The following CPXM2 variants were observed in gnomAD, a reference collection of about 807,000 sequenced individuals.
The protein encoded by CPXM2 is inactive carboxypeptidase-like protein X2.
Under a neutral mutation model 86.1 loss-of-function variants are expected in CPXM2, and 66 were observed. The ratio of observed to expected loss-of-function variants is 0.77; its 90% CI spans 0.63 to 0.94. The LOEUF is 0.94. Among genes scored for constraint, CPXM2 ranks in the 40% least tolerant of loss-of-function variants. The pLI is 0.00. For synonymous variants in CPXM2, 388 were observed against 400.2 expected (o/e 0.97, Z 0.36); for missense variants, 948 against 1,026.3 (o/e 0.92, Z 1.04).
At chr10:123,777,433 A>C (rs1257997652) in intron 7 of CPXM2, 1 of 151,744 alleles carries the variant, frequency 6.6e-6, no homozygotes, top group Non-Finnish European at 1.5e-5. Context: ...CCAACGGGTG[A>C]CCTCCACTGG....
upstream of CPXM2, among the ~76,000 whole-genome samples, chr10:123,894,953 G>A (rs141992040): frequency 1.2e-3 from 185 of 152,030 alleles, no homozygotes; most frequent in East Asian, 0.013. Context: ...CTAAACACCC[G>A]TTAACAACCT....
Position 123,836,368 on chromosome 10 carries a change from C to T in CPXM2, c.653+5981G>A, listed in dbSNP as rs375172778. Among the ~76,000 whole-genome samples, 24 of 152,266 alleles carry T rather than the reference C, an allele frequency of 1.6e-4. No homozygotes were observed. In the Middle Eastern group the frequency reaches 0.01, roughly 65 times the overall value. On this transcript the variant is annotated intron_variant, in intron 4 of 13. Coordinates refer to ENST00000241305, the MANE Select transcript of CPXM2 (RefSeq NM_198148.3). Reference sequence around the variant, plus strand: ...AACCTGCCCTGCACCTCCAGGTAATCAGCCCTCTAGCTTGAATTCCTGCCC... The same window carrying T: ...AACCTGCCCTGCACCTCCAGGTAATTAGCCCTCTAGCTTGAATTCCTGCCC...
intron 4 of CPXM2, among the ~76,000 whole-genome samples, chr10:123,815,224 T>TC (rs1847790063): frequency 1.3e-5 from 2 of 152,128 alleles, no homozygotes; most frequent in African/African-American, 4.8e-5. Flanking sequence ...AGGGATTCTA[T>TC]CTCCCAGCTT....
Position 123,747,033 on chromosome 10 carries a change from C to T in CPXM2, c.2018-16G>A, listed in dbSNP as rs1371665233. 2 of 1,612,710 alleles carry T rather than the reference C, an allele frequency of 1.2e-6. No individual in the cohort carries two copies. The highest frequency in any genetic ancestry group is 1.7e-6 in the Non-Finnish European group (2 of 1,179,326). On this transcript the variant is annotated splice_polypyrimidine_tract_variant and intron_variant, in intron 13 of 13. Transcript: ENST00000241305. Reference sequence around the variant, plus strand: ...CCATCGTTGGCTGTGAAAAAGAAAACCAGGGGAGACTCAGAGCAGCTCTTG... The same window carrying T: ...CCATCGTTGGCTGTGAAAAAGAAAATCAGGGGAGACTCAGAGCAGCTCTTG...
rs2134250108 is a variant in CPXM2 at position 123,891,287 on chromosome 10, C to A, written c.304+69G>T. ...TCCCAGACACACACAATGGGAGAAG[C>A]CAGTTGTCCCCTGGAGGCGCGCAAC... On this transcript the variant is annotated intron_variant, in intron 1 of 13. Transcript: ENST00000241305. This position sits in a 1 kb window ranked among gnomAD's most constrained non-coding sequence, Gnocchi z 5.6. 1 of 1,283,742 alleles carries A rather than the reference C, an allele frequency of 7.8e-7. No homozygotes were observed. Among genetic ancestry groups the A allele is most frequent in the Non-Finnish European group, 1.1e-6 (1 of 952,272 alleles). 79.5% of individuals were successfully genotyped at this position (1,283,742 alleles called of 1,614,324 possible). A position where few individuals can be genotyped will look rare whatever the true frequency, so the allele number is the denominator to read the frequency against.
chr10:123,811,733 A>C (rs1161647346), intron 4 of CPXM2, among the ~76,000 whole-genome samples: 1 of 152,224 alleles, frequency 6.6e-6, no homozygotes, highest in African/African-American at 2.4e-5. Flanking sequence ...AAAATTCTGT[A>C]AATCAATGAG....
chr10:123,808,687 T>G (rs1348985307), intron 4 of CPXM2, among the ~76,000 whole-genome samples: 1 of 152,012 alleles, frequency 6.6e-6, no homozygotes, highest in Non-Finnish European at 1.5e-5. Context: ...AATTACTGAG[T>G]CAAGAACAAT....
chr10:123,749,275 T>C (rs1846025986), intron 13 of CPXM2, among the ~76,000 whole-genome samples: 2 of 151,992 alleles, frequency 1.3e-5, no homozygotes, highest in Non-Finnish European at 2.9e-5. Context: ...TTGGTTTAAA[T>C]ACCTCAGGGA....
intron 2 of CPXM2, among the ~76,000 whole-genome samples, chr10:123,920,151 T>A (rs544071071): frequency 2.0e-5 from 3 of 152,282 alleles, no homozygotes; most frequent in South Asian, 4.1e-4. Flanking sequence ...TACCCAGTGA[T>A]AAAGAGATAA....
chr10:123,752,085 T>C (rs1295002758), intron 13 of CPXM2: 2 of 985,216 alleles, frequency 2.0e-6, no homozygotes. Context: ...TCTTTTAGAA[T>C]TGTCATTTCA....
chr10:123,913,833 C>A (rs768574271), intron 2 of CPXM2: 6 of 347,338 alleles, frequency 1.7e-5, no homozygotes, highest in Non-Finnish European at 3.4e-5. Context: ...GCTGTTTAAC[C>A]GGATCTGTGG....
In CPXM2 at chr10:123,762,123, G is replaced by A. The variant is rs764241273; in HGVS notation, c.1526C>T (p.Pro509Leu). The change falls in exon 11 of 14, where the codon CCT (proline) becomes CTT (leucine). Residue 509 changes from proline to leucine, a missense_variant. By Grantham distance (98) the Pro-to-Leu change is moderately conservative. Coordinates refer to ENST00000241305, the MANE Select transcript of CPXM2 (RefSeq NM_198148.3). ...RAVIAWMEKI[P>L]FVLGGNLQGG... The stretch of plus-strand genomic sequence containing the variant: ...CTGCAGGTTGCCGCCCAGCACAAAA[G>A]GGATTTTTTCCATCCAGGCTATGAC... 1 of 1,614,160 alleles carries A rather than the reference G, an allele frequency of 6.2e-7. No homozygotes were observed. The highest frequency in any genetic ancestry group is 1.7e-5 in the Admixed American group (1 of 60,024).
chr10:123,761,126 C>A (rs1186596613), intron 11 of CPXM2, among the ~76,000 whole-genome samples: 1 of 152,190 alleles, frequency 6.6e-6, no homozygotes, highest in African/African-American at 2.4e-5. Context: ...CCTCTGGCTG[C>A]TGTAAGGGAA....
chr10:123,767,855 A>T (rs1037803393), intron 9 of CPXM2, among the ~76,000 whole-genome samples: 3 of 152,232 alleles, frequency 2.0e-5, no homozygotes, highest in African/African-American at 7.2e-5. Context: ...CAGAAGACTG[A>T]TGAGAAGATT....
At chr10:123,911,930 A>G (rs1945491711) in intron 2 of CPXM2, among the ~76,000 whole-genome samples, 2 of 152,060 alleles carry the variant, frequency 1.3e-5, no homozygotes, top group African/African-American at 2.4e-5. Flanking sequence ...GCAGAAGGAG[A>G]GACTGAGGCA....
At chr10:123,920,879 C>T (rs1258668926) in intron 2 of CPXM2, among the ~76,000 whole-genome samples, 4 of 152,130 alleles carry the variant, frequency 2.6e-5, no homozygotes, top group Non-Finnish European at 5.9e-5. Context: ...CACGACTTTG[C>T]CCTTCCACCT....
At chr10:123,852,488 G>A (rs1054837527) in intron 3 of CPXM2, among the ~76,000 whole-genome samples, 3 of 152,174 alleles carry the variant, frequency 2.0e-5, no homozygotes, top group African/African-American at 7.2e-5. Context: ...GCCCTTGACA[G>A]GCCTCTGCTT....
intron 4 of CPXM2, among the ~76,000 whole-genome samples, chr10:123,815,556 C>T (rs931473399): frequency 6.6e-6 from 1 of 152,144 alleles, no homozygotes; most frequent in Non-Finnish European, 1.5e-5. Context: ...GTAGTGGCAA[C>T]ATCCCCTCCC....
At position 123,855,904 on chromosome 10, in the gene CPXM2, G is replaced by A. The variant is rs536073212; in HGVS notation, c.513+6710C>T. 2.6e-4 allele frequency among the ~76,000 whole-genome samples: 40 copies of A among 152,272 alleles called. 1 individual carries two copies. The East Asian group carries it at 6.0e-3, about 23-fold the overall frequency. On this transcript the variant is annotated intron_variant, in intron 3 of 13. Transcript: ENST00000241305. Reference sequence around the variant, plus strand: ...ACAGACACTATTATTATGGCCAGACGTTTCCTCCTGGAAGAGCTGCAAGAG... The same window carrying A: ...ACAGACACTATTATTATGGCCAGACATTTCCTCCTGGAAGAGCTGCAAGAG...
Sources: gnomAD v4.1 joint callset for allele counts (sites outside exome capture counted in the v4.1 genomes callset) on GRCh38, gnomAD v4.1.1 for gene constraint, Gnocchi (gnomAD v3.1) non-coding constraint, MANE v1.5 for transcripts, NCBI Gene and HGNC (gene_info 2026-07-23, HGNC 2026-07-21) for gene names.